The following ST8SIA2 variants were observed in gnomAD, a reference collection of about 807,000 sequenced individuals.
ST8SIA2 encodes ST8 alpha-N-acetyl-neuraminide alpha-2,8-sialyltransferase 2, also known as alpha-2,8-sialyltransferase 8B.
A neutral mutation model predicts 37.6 loss-of-function variants in ST8SIA2; 22 were observed. The ratio of observed to expected loss-of-function variants is 0.58; its 90% CI spans 0.42 to 0.83. The LOEUF (loss-of-function observed/expected upper bound fraction) is 0.83, where lower values mean the gene tolerates loss of function less well. Ranked by LOEUF, ST8SIA2 falls within the 40% of genes least tolerant of loss-of-function variation. ST8SIA2 has a pLI of 0.00. For missense variants in ST8SIA2, 382 were observed against 484.7 expected (o/e 0.79, Z 1.99); for synonymous variants, 205 against 201.2 (o/e 1.02, Z -0.16).
chr15:92,434,938 G>C (rs562069885), intron 3 of ST8SIA2, among the ~76,000 whole-genome samples: 2 of 152,198 alleles, frequency 1.3e-5, no homozygotes, highest in Admixed American at 6.5e-5. Flanking sequence ...AGCAGCTCTC[G>C]TCCTGATCTG....
At chr15:92,460,627 C>T (rs1330511770) in intron 5 of ST8SIA2, among the ~76,000 whole-genome samples, 3 of 152,230 alleles carry the variant, frequency 2.0e-5, no homozygotes, top group Admixed American at 1.3e-4. Context: ...ATCCAACAAA[C>T]CCCAAGCTCA....
chr15:92,449,206 A>C (rs572907796), intron 5 of ST8SIA2, among the ~76,000 whole-genome samples: 10 of 152,292 alleles, frequency 6.6e-5, no homozygotes, highest in African/African-American at 1.9e-4. Context: ...TATGTCCATG[A>C]ATACCCAATG....
At chr15:92,420,496 G>A (rs1429599131) in intron 1 of ST8SIA2, among the ~76,000 whole-genome samples, 4 of 152,182 alleles carry the variant, frequency 2.6e-5, no homozygotes, top group Non-Finnish European at 4.4e-5. Context: ...AGTTCTCAGG[G>A]ATGTTTTCTG....
chr15:92,460,454 A>G (rs1215454889), intron 5 of ST8SIA2, among the ~76,000 whole-genome samples: 3 of 152,234 alleles, frequency 2.0e-5, no homozygotes, highest in Non-Finnish European at 2.9e-5. Context: ...GCCAAGGTGC[A>G]TGAATACTTT....
chr15:92,447,490 C>G (rs1044720259), intron 5 of ST8SIA2, among the ~76,000 whole-genome samples: 1 of 152,136 alleles, frequency 6.6e-6, no homozygotes, highest in Non-Finnish European at 1.5e-5. Context: ...CATGGCAGAT[C>G]ACCAGGGATG....
At chr15:92,438,148 T>C (rs1328287107) in intron 3 of ST8SIA2, among the ~76,000 whole-genome samples, 1 of 152,184 alleles carries the variant, frequency 6.6e-6, no homozygotes, top group East Asian at 1.9e-4. Flanking sequence ...AACCCCCATA[T>C]TGGCCACCAC....
rs189968757 is a variant in ST8SIA2 at position 92,441,030 on chromosome 15, G to A, written c.548+2420G>A. On this transcript the variant is annotated intron_variant, in intron 4 of 5. Transcript: ENST00000268164. ...CAAGGCTGTGCCAGGCCAGAGGAGG[G>A]CCTCCATGTGGCTTTACTAGAATGG... Among the ~76,000 whole-genome samples, 20 of 152,288 alleles carry A rather than the reference G, an allele frequency of 1.3e-4. No homozygotes were observed. In the East Asian group the frequency reaches 3.1e-3, roughly 24 times the overall value.
chr15:92,434,196 C>T (rs758044304), intron 2 of ST8SIA2, 51 bp from the exon 3 acceptor site: 10 of 1,611,116 alleles, frequency 6.2e-6, no homozygotes, highest in South Asian at 1.1e-5. Context: ...GACTTGTCGT[C>T]GGCTTGCTAA....
rs58946766 is a variant in ST8SIA2 at position 92,441,308 on chromosome 15, G to A, written c.548+2698G>A. Among the ~76,000 whole-genome samples the A allele has an allele frequency of 2.5e-3, 381 of 152,338 alleles. 2 individuals are homozygous for A. Among genetic ancestry groups the A allele is most frequent in the African/African-American group, 8.6e-3 (359 of 41,572 alleles). On this transcript the variant is annotated intron_variant, in intron 4 of 5. Coordinates refer to ENST00000268164, the MANE Select transcript of ST8SIA2 (RefSeq NM_006011.4). ...CTTCCGGCAGAAGCGGCATTGGAGTGTGGCTTGCCTTTGACCAGTAAAAGT... is the reference window on the plus strand; with the variant it reads ...CTTCCGGCAGAAGCGGCATTGGAGTATGGCTTGCCTTTGACCAGTAAAAGT...
At chr15:92,459,662 CAGT>C in intron 5 of ST8SIA2, among the ~76,000 whole-genome samples, 1 of 152,094 alleles carries the variant, frequency 6.6e-6, no homozygotes, top group South Asian at 2.1e-4. Context: ...GGCAATGGCG[CAGT>C]CTTGTTTCAC....
chr15:92,444,892 G>T lies in ST8SIA2; in HGVS notation c.805G>T (p.Ala269Ser). The T allele has an allele frequency of 6.2e-7, 1 of 1,613,162 alleles. No individual in the cohort carries two copies. The highest frequency in any genetic ancestry group is 1.3e-5 in the African/African-American group (1 of 75,080). Residue 269 changes from alanine to serine, a missense_variant, in exon 5 of 6, where the codon GCA becomes TCA. Coordinates refer to ENST00000268164, the MANE Select transcript of ST8SIA2 (RefSeq NM_006011.4). ...GAAGCACCACGTCAACGTGCGCACTGCATACCCCTCGCTGCGCCTGCTGCA... is the reference window on the plus strand; with the variant it reads ...GAAGCACCACGTCAACGTGCGCACTTCATACCCCTCGCTGCGCCTGCTGCA... ...ILKHHVNVRT[A>S]YPSLRLLHAV... is the part of the protein sequence containing the mutation.
intron 2 of ST8SIA2, among the ~76,000 whole-genome samples, chr15:92,433,993 TAGGGGC>T (rs2049736097): frequency 6.6e-6 from 1 of 152,032 alleles, no homozygotes; most frequent in African/African-American, 2.4e-5. Flanking sequence ...AAAAAATCAC[TAGGGGC>T]AGGGGAAGAA....
Position 92,464,450 on chromosome 15 carries a change from G to A in ST8SIA2, c.*65G>A. ...CCAGCTACACCACAGGCAGATGGGA[G>A]TCGGGGTGGCACAAACAATAGAACA... On this transcript the variant is annotated 3_prime_UTR_variant, in exon 6 of 6. Transcript: ENST00000268164. 6.3e-7 allele frequency: 1 copy of A among 1,584,064 alleles called. No individual in the cohort carries two copies. The highest frequency in any genetic ancestry group is 2.2e-5 in the East Asian group (1 of 44,782).
chr15:92,439,286 G>A (rs965342793), intron 4 of ST8SIA2, among the ~76,000 whole-genome samples: 2 of 73,052 alleles, frequency 2.7e-5, no homozygotes, highest in East Asian at 1.5e-3. Context: ...TGGGAAGTGC[G>A]GGAGTAACAG....
intron 5 of ST8SIA2, among the ~76,000 whole-genome samples, chr15:92,462,849 A>G (rs2049966929): frequency 6.6e-6 from 1 of 152,234 alleles, no homozygotes; most frequent in Non-Finnish European, 1.5e-5. Context: ...TACTAGAAAT[A>G]AAGACATTAG....
At chr15:92,408,535 G>C (rs1442166872) in intron 1 of ST8SIA2, among the ~76,000 whole-genome samples, 1 of 152,062 alleles carries the variant, frequency 6.6e-6, no homozygotes, top group Non-Finnish European at 1.5e-5. Flanking sequence ...TTCCTTGAGG[G>C]AGGCTGAGAT....
intron 2 of ST8SIA2, 94 bp from the exon 3 acceptor site, chr15:92,434,153 T>G (rs1262295862): frequency 1.3e-6 from 2 of 1,583,362 alleles, no homozygotes; most frequent in Admixed American, 1.7e-5. Flanking sequence ...TGGAGAAGTT[T>G]ACATTCAAGC....
chr15:92,461,966 G>T (rs16946957), intron 5 of ST8SIA2, among the ~76,000 whole-genome samples: 4,842 of 152,302 alleles, frequency 0.032, 281 homozygotes, highest in African/African-American at 0.11. Flanking sequence ...GTCTGCCTTT[G>T]TCCCTCCCTT....
intron 5 of ST8SIA2, among the ~76,000 whole-genome samples, chr15:92,446,845 C>T (rs2049846289): frequency 6.6e-6 from 1 of 151,852 alleles, no homozygotes; most frequent in Non-Finnish European, 1.5e-5. Flanking sequence ...CAAGGTTCAA[C>T]CAAGAGACAA....
Sources: allele counts gnomAD v4.1 joint callset (sites outside exome capture counted in the v4.1 genomes callset), GRCh38; gene constraint gnomAD v4.1.1; transcripts MANE v1.5; gene names NCBI Gene and HGNC (gene_info 2026-07-23, HGNC 2026-07-21).